The following CECR2 variants were observed in gnomAD, a reference collection of about 807,000 sequenced individuals.
The protein encoded by CECR2 is CECR2 histone acetyl-lysine reader.
Under a neutral mutation model 154.5 loss-of-function variants are expected in CECR2, and 30 were observed. That is an observed-to-expected ratio of 0.19 (90% confidence interval 0.15 to 0.26). The LOEUF is 0.26. Among genes scored for constraint, CECR2 ranks in the 10% least tolerant of loss-of-function variants. The pLI is 1.00. For synonymous variants in CECR2, 725 were observed against 683.7 expected, an observed-to-expected ratio of 1.06 and a Z score of -0.94; for missense variants, 1,743 against 1,829.3, an observed-to-expected ratio of 0.95 and a Z score of 0.86.
chr22:17,526,720 A>G (rs2056270984), intron 9 of CECR2, among the ~76,000 whole-genome samples: 1 of 151,548 alleles, frequency 6.6e-6, no homozygotes, highest in Non-Finnish European at 1.5e-5. Flanking sequence ...GAGGCAAGAA[A>G]ATCGCTTGAA....
chr22:17,542,137 C>T lies in CECR2; in HGVS notation c.2014-20C>T, dbSNP rs1236217471. The T allele has an allele frequency of 6.2e-7, 1 of 1,603,630 alleles. No homozygotes were observed. The highest frequency in any genetic ancestry group is 2.2e-5 in the East Asian group (1 of 44,674). ...CTTATTCTGTGAGTCTGTAACTGTG[C>T]TGCCTTTTCTCGTTGCCAGCCTCCA... On this transcript the variant is annotated intron_variant, in intron 15 of 18. Transcript: ENST00000262608.
intron 1 of CECR2, among the ~76,000 whole-genome samples, chr22:17,409,129 T>C (rs572491833): frequency 6.6e-6 from 1 of 151,948 alleles, no homozygotes; most frequent in African/African-American, 2.4e-5. Flanking sequence ...TTCTTGTTTT[T>C]TTTTGTTTGT....
intron 1 of CECR2, among the ~76,000 whole-genome samples, chr22:17,459,472 T>G (rs189255306): frequency 1.4e-3 from 209 of 150,278 alleles, no homozygotes; most frequent in Middle Eastern, 3.4e-3. Flanking sequence ...TTTGTGTGTG[T>G]TTTTTTTTGT....
chr22:17,550,814 C>T (rs888692690), intron 17 of CECR2, among the ~76,000 whole-genome samples: 1 of 152,094 alleles, frequency 6.6e-6, no homozygotes, highest in African/African-American at 2.4e-5. Flanking sequence ...TGGTGGTGGG[C>T]ACCTGTAGTC....
intron 7 of CECR2, among the ~76,000 whole-genome samples, chr22:17,510,937 C>T (rs1270053579): frequency 6.6e-6 from 1 of 152,186 alleles, no homozygotes; most frequent in Non-Finnish European, 1.5e-5. Flanking sequence ...GTTGCTGACT[C>T]ACTAAATGTA....
Position 17,546,301 on chromosome 22 carries a change from C to T in CECR2, c.2861-1847C>T, listed in dbSNP as rs1002744905. On this transcript the variant is annotated intron_variant, in intron 16 of 18. Transcript: ENST00000262608. ...AGGAAATCGAGATCATCCTGGCTAA[C>T]ACGGTGAAACCCCATCTGTACTAAA... Among the ~76,000 whole-genome samples the T allele has an allele frequency of 2.6e-5, 4 of 151,758 alleles. No homozygotes were observed. In the East Asian group the frequency reaches 7.8e-4, roughly 30 times the overall value.
chr22:17,385,712 G>A (rs1462483947), intron 1 of CECR2, among the ~76,000 whole-genome samples: 1 of 152,190 alleles, frequency 6.6e-6, no homozygotes, highest in Non-Finnish European at 1.5e-5. Flanking sequence ...AAATGGCCCT[G>A]ATAGACTTGC....
At chr22:17,460,861 A>G (rs1376065516) in intron 1 of CECR2, among the ~76,000 whole-genome samples, 2 of 152,208 alleles carry the variant, frequency 1.3e-5, no homozygotes, top group East Asian at 1.9e-4. Context: ...GTTTATATCA[A>G]ATCTTTATTT....
intron 1 of CECR2, among the ~76,000 whole-genome samples, chr22:17,360,351 G>T (rs927257374): frequency 6.6e-6 from 1 of 152,136 alleles, no homozygotes; most frequent in Non-Finnish European, 1.5e-5. Flanking sequence ...ACTCCAGCTT[G>T]TACAACATCG....
At chr22:17,420,898 A>G (rs1300246427) in intron 1 of CECR2, among the ~76,000 whole-genome samples, 1 of 152,168 alleles carries the variant, frequency 6.6e-6, no homozygotes, top group Non-Finnish European at 1.5e-5. Context: ...CATAACTTAT[A>G]TCACCCCTGT....
intron 1 of CECR2, among the ~76,000 whole-genome samples, chr22:17,401,786 G>A (rs1307208754): frequency 6.6e-6 from 1 of 151,716 alleles, no homozygotes; most frequent in East Asian, 1.9e-4. Context: ...GTAAGTACCT[G>A]TAAGTAGAAT....
chr22:17,557,183 T>C lies in CECR2; in HGVS notation c.*4343T>C, dbSNP rs2056783374. 6.8e-6 allele frequency: 1 copy of C among 146,984 alleles called. No homozygotes were observed. Among genetic ancestry groups the C allele is most frequent in the Non-Finnish European group, 1.5e-5 (1 of 67,004 alleles). The allele number at this position is 146,984 out of a possible 1,614,324, so 9.1% of individuals were successfully genotyped here. A position where few individuals can be genotyped will look rare whatever the true frequency, so the allele number is the denominator to read the frequency against. Reference sequence around the variant, plus strand: ...TTTTTTTTGAGACGAAATCTTGCTCTTGTCCCCCAGACTGGAGTGCAATGG... The same window carrying C: ...TTTTTTTTGAGACGAAATCTTGCTCCTGTCCCCCAGACTGGAGTGCAATGG... On this transcript the variant is annotated 3_prime_UTR_variant, in exon 19 of 19. Coordinates refer to ENST00000262608, the MANE Select transcript of CECR2 (RefSeq NM_001290047.2).
intron 1 of CECR2, among the ~76,000 whole-genome samples, chr22:17,443,295 C>G (rs2054611304): frequency 6.6e-6 from 1 of 152,130 alleles, no homozygotes; most frequent in Admixed American, 6.5e-5. Flanking sequence ...TAATGTTGCT[C>G]TGGGCGATTT....
At chr22:17,460,918 G>C (rs1227925453) in intron 1 of CECR2, among the ~76,000 whole-genome samples, 1 of 152,162 alleles carries the variant, frequency 6.6e-6, no homozygotes, top group African/African-American at 2.4e-5. Flanking sequence ...GGGGTTAGCA[G>C]CAGTGTTTCA....
At chr22:17,538,007 A>C (rs956263124) in intron 10 of CECR2, among the ~76,000 whole-genome samples, 1 of 151,872 alleles carries the variant, frequency 6.6e-6, no homozygotes, top group Admixed American at 6.6e-5. Context: ...AAAAAAAAAA[A>C]AGATTGTGCT....
upstream of CECR2, among the ~76,000 whole-genome samples, chr22:17,369,180 G>A (rs865853075): frequency 2.6e-5 from 4 of 151,638 alleles, no homozygotes; most frequent in Non-Finnish European, 5.9e-5. Context: ...GCTCCTGGCC[G>A]TCCTCCCTTG....
chr22:17,549,345 G>A lies in CECR2; in HGVS notation c.4058G>A (p.Arg1353Gln), dbSNP rs966965861. 2.5e-5 allele frequency: 40 copies of A among 1,613,794 alleles called. 1 individual carries two copies. Among genetic ancestry groups the A allele is most frequent in the Middle Eastern group, 1.6e-4 (1 of 6,084 alleles). Residue 1353 changes from arginine to glutamine, a missense_variant, in exon 17 of 19, where the codon CGG becomes CAG. Arg to Gln is a conservative substitution (Grantham distance 43, BLOSUM62 1). Coordinates refer to ENST00000262608, the MANE Select transcript of CECR2 (RefSeq NM_001290047.2). ...ACGGGGCCTCCCTATACCCCTCAGCGGCCGGCCAGTCACTTTCAGCCCAGG... is the reference window on the plus strand; with the variant it reads ...ACGGGGCCTCCCTATACCCCTCAGCAGCCGGCCAGTCACTTTCAGCCCAGG... ...LQTGPPYTPQ[R>Q]PASHFQPRAY...
intron 7 of CECR2, among the ~76,000 whole-genome samples, chr22:17,505,340 TA>T (rs796552463): frequency 2.6e-3 from 370 of 142,878 alleles, no homozygotes; most frequent in East Asian, 3.2e-3. Context: ...TGTAATGCTT[TA>T]AAAAAAAAAA....
chr22:17,515,350 G>A (rs2056032345), intron 8 of CECR2, among the ~76,000 whole-genome samples: 1 of 152,340 alleles, frequency 6.6e-6, no homozygotes, highest in Non-Finnish European at 1.5e-5. Context: ...AGCCACAGCT[G>A]GGCGTGGCCG....
Sources: gnomAD v4.1 joint callset for allele counts (sites outside exome capture counted in the v4.1 genomes callset) on GRCh38, gnomAD v4.1.1 for gene constraint, MANE v1.5 for transcripts, NCBI Gene and HGNC (gene_info 2026-07-23, HGNC 2026-07-21) for gene names.